Variants in ASZ1 observed in about 807,000 individuals in gnomAD.
ASZ1 encodes the protein ankyrin repeat, SAM and basic leucine zipper domain containing 1.
ASZ1 carries 67 observed loss-of-function variants against 61.8 expected under a neutral mutation model. That is an observed-to-expected ratio of 1.08 (90% confidence interval 0.89 to 1.33). The LOEUF (loss-of-function observed/expected upper bound fraction) is 1.33, where lower values mean the gene tolerates loss of function less well. Ranked by LOEUF, ASZ1 falls within the 40% of genes most tolerant of loss-of-function variation. ASZ1 has a pLI of 0.00. For missense variants in ASZ1, 577 were observed against 554.5 expected (o/e 1.04, Z -0.41); for synonymous variants, 193 against 192.7 (o/e 1.00, Z -0.01).
At chr7:117,387,858 T>A (rs1400250767) in intron 4 of ASZ1, among the ~76,000 whole-genome samples, 1 of 152,188 alleles carries the variant, frequency 6.6e-6, no homozygotes, top group Non-Finnish European at 1.5e-5. Flanking sequence ...AACTCCTTAT[T>A]CTTATACAGA....
intron 4 of ASZ1, among the ~76,000 whole-genome samples, chr7:117,412,042 G>GTGTA (rs527886431): frequency 0.053 from 5,791 of 109,296 alleles, 118 homozygotes; most frequent in African/African-American, 0.1. Flanking sequence ...GAAAAGAAGT[G>GTGTA]TGTGTGTGTG....
rs954767733 is a variant in ASZ1 at position 117,424,201 on chromosome 7, T to G, written c.206-1842A>C. ...ATACTTTAAAGAAAATTGAAAATGATAGTACACAGAATAACAAAAACTGGA... is the reference window on the plus strand; with the variant it reads ...ATACTTTAAAGAAAATTGAAAATGAGAGTACACAGAATAACAAAAACTGGA... On this transcript the variant is annotated intron_variant, in intron 2 of 12. Transcript: ENST00000284629. Among the ~76,000 whole-genome samples the G allele has an allele frequency of 5.3e-5, 8 of 152,314 alleles. No individual in the cohort carries two copies. The East Asian group carries it at 1.4e-3, about 26-fold the overall frequency.
intron 4 of ASZ1, among the ~76,000 whole-genome samples, chr7:117,415,377 C>A (rs970556403): frequency 3.3e-5 from 5 of 152,198 alleles, no homozygotes; most frequent in Non-Finnish European, 5.9e-5. Flanking sequence ...ATATACTACA[C>A]ACCCAATTAT....
intron 4 of ASZ1, 100 bp downstream of exon 4, chr7:117,420,063 C>T (rs1425483449): frequency 5.4e-6 from 4 of 746,206 alleles, no homozygotes; most frequent in Non-Finnish European, 8.6e-6. Context: ...CATTCATCAA[C>T]TATTTGGCCA....
At chr7:117,414,316 C>CA (rs941701863) in intron 4 of ASZ1, among the ~76,000 whole-genome samples, 4 of 151,694 alleles carry the variant, frequency 2.6e-5, no homozygotes, top group African/African-American at 7.2e-5. Flanking sequence ...AAAATTTTTG[C>CA]AAAAAACATT....
Position 117,427,473 on chromosome 7 carries a change from A to G in ASZ1, c.-13T>C. The G allele has an allele frequency of 6.2e-7, 1 of 1,613,452 alleles. No homozygotes were observed. Among genetic ancestry groups the G allele is most frequent in the South Asian group, 1.1e-5 (1 of 91,046 alleles). On this transcript the variant is annotated 5_prime_UTR_variant, in exon 1 of 13. Transcript: ENST00000284629. The stretch of plus-strand genomic sequence containing the variant: ...CGCTCGCCGCCATGCCAGCCAAGGA[A>G]GCTCCCTGTCGGCACCGCGCGCCCT...
intron 1 of ASZ1, 89 bp from the exon 2 acceptor site, chr7:117,427,024 A>T: frequency 7.6e-7 from 1 of 1,323,010 alleles, no homozygotes; most frequent in Non-Finnish European, 1.0e-6. Flanking sequence ...TTAAGTACAC[A>T]GGTTTTTTTT....
chr7:117,424,617 A>G (rs572112403), intron 2 of ASZ1, among the ~76,000 whole-genome samples: 51 of 152,354 alleles, frequency 3.3e-4, no homozygotes, highest in Non-Finnish European at 4.1e-4. Flanking sequence ...CCCATCAATC[A>G]TATCAAGTCT....
At chr7:117,374,340 A>G (rs1354532046) in intron 10 of ASZ1, among the ~76,000 whole-genome samples, 1 of 152,102 alleles carries the variant, frequency 6.6e-6, no homozygotes, top group Admixed American at 6.6e-5. Context: ...TAACTCATTT[A>G]TCCAAATATT....
At chr7:117,377,565 T>G (rs1796160335) in intron 10 of ASZ1, among the ~76,000 whole-genome samples, 1 of 152,120 alleles carries the variant, frequency 6.6e-6, no homozygotes, top group Non-Finnish European at 1.5e-5. Flanking sequence ...CTAAAACTTT[T>G]AGAGATATCT....
At chr7:117,390,662 GT>G (rs1314896631) in intron 4 of ASZ1, among the ~76,000 whole-genome samples, 1 of 152,064 alleles carries the variant, frequency 6.6e-6, no homozygotes, top group Non-Finnish European at 1.5e-5. Flanking sequence ...AGCAGTGTAC[GT>G]TTCCCTTATC....
intron 2 of ASZ1, among the ~76,000 whole-genome samples, chr7:117,422,870 G>A (rs1797124930): frequency 6.6e-6 from 1 of 152,058 alleles, no homozygotes; most frequent in Non-Finnish European, 1.5e-5. Flanking sequence ...ACTCCCTTAA[G>A]AAACGCAGAC....
At chr7:117,369,371 GA>G (rs1190397815) in intron 10 of ASZ1, among the ~76,000 whole-genome samples, 4 of 152,156 alleles carry the variant, frequency 2.6e-5, no homozygotes, top group African/African-American at 9.7e-5. Flanking sequence ...TTTATTAAAA[GA>G]ACTTTTGTGT....
chr7:117,414,411 T>C (rs1339324405), intron 4 of ASZ1, among the ~76,000 whole-genome samples: 1 of 152,198 alleles, frequency 6.6e-6, no homozygotes, highest in Non-Finnish European at 1.5e-5. Context: ...TTAAAGCAGA[T>C]GAGAATTACT....
At chr7:117,401,468 AAGAGTAAC>A (rs1796679708) in intron 4 of ASZ1, among the ~76,000 whole-genome samples, 1 of 151,962 alleles carries the variant, frequency 6.6e-6, no homozygotes, top group Non-Finnish European at 1.5e-5. Flanking sequence ...AATCAACAAT[AAGAGTAAC>A]AGCTGACTTG....
intron 4 of ASZ1, among the ~76,000 whole-genome samples, chr7:117,400,458 GA>G (rs1290443375): frequency 6.6e-6 from 1 of 152,164 alleles, no homozygotes; most frequent in Non-Finnish European, 1.5e-5. Flanking sequence ...TTTGCTTTTA[GA>G]CATTTGCCAA....
At chr7:117,414,183 T>C (rs1203488297) in intron 4 of ASZ1, among the ~76,000 whole-genome samples, 1 of 152,174 alleles carries the variant, frequency 6.6e-6, no homozygotes, top group East Asian at 1.9e-4. Context: ...CTGCAAAATT[T>C]AGAAGATGCT....
intron 10 of ASZ1, among the ~76,000 whole-genome samples, chr7:117,374,417 T>C (rs897065022): frequency 7.9e-5 from 12 of 151,988 alleles, no homozygotes; most frequent in Non-Finnish European, 5.9e-5. Flanking sequence ...TACACCAAGC[T>C]CCTTAGGTCA....
chr7:117,409,087 C>A (rs895363416), intron 4 of ASZ1, among the ~76,000 whole-genome samples: 20 of 151,454 alleles, frequency 1.3e-4, no homozygotes, highest in African/African-American at 4.6e-4. Flanking sequence ...TTAACTTGGG[C>A]AGAAAAAATA....
Sources: gnomAD v4.1 joint callset for allele counts (sites outside exome capture counted in the v4.1 genomes callset) on GRCh38, gnomAD v4.1.1 for gene constraint, MANE v1.5 for transcripts, NCBI Gene and HGNC (gene_info 2026-07-23, HGNC 2026-07-21) for gene names.